Variants in NEB observed in about 807,000 individuals in gnomAD.
The protein encoded by NEB is nemaline myopathy type 2.
In NEB, 512 loss-of-function variants were observed where a neutral mutation model predicts 952.2. The ratio of observed to expected loss-of-function variants is 0.54; its 90% confidence interval spans 0.50 to 0.58. The LOEUF (loss-of-function observed/expected upper bound fraction) is 0.58. Among genes scored for constraint, NEB ranks in the 20% least tolerant of loss-of-function variants. The probability of loss-of-function intolerance (pLI) is 0.00; values close to 1 mark genes in which losing one functional copy is unlikely to be tolerated. For missense variants in NEB, 8,428 were observed against 9,231.1 expected, an observed-to-expected ratio of 0.91 and a Z score of 3.56; for synonymous variants, 2,900 against 3,149.8, an observed-to-expected ratio of 0.92 and a Z score of 2.66.
intron 24 of NEB, among the ~76,000 whole-genome samples, chr2:151,689,010 A>T (rs962215949): frequency 6.6e-6 from 1 of 151,952 alleles, no homozygotes; most frequent in African/African-American, 2.4e-5. Context: ...GATAAGGGGG[A>T]TTGCTGTGTA....
At chr2:151,490,276 T>A (rs1413348571) in intron 180 of NEB, 96 bp downstream of exon 180, 4 of 1,452,426 alleles carry the variant, frequency 2.8e-6, no homozygotes, top group African/African-American at 2.9e-5. Context: ...GGATGAAAAA[T>A]TTTTAAATTT....
At chr2:151,676,347 A>G (rs1183983423) in intron 34 of NEB, among the ~76,000 whole-genome samples, 5 of 152,166 alleles carry the variant, frequency 3.3e-5, no homozygotes, top group East Asian at 1.9e-4. Flanking sequence ...CTTCAGTCCA[A>G]TTAAGCCTTC....
chr2:151,513,809 C>T (rs975869361), intron 159 of NEB, 116 bp from the exon 160 acceptor site: 7 of 728,406 alleles, frequency 9.6e-6, no homozygotes, highest in Admixed American at 7.1e-5. Flanking sequence ...CAGATAGTGT[C>T]GCTTGCTACT....
intron 135 of NEB, among the ~76,000 whole-genome samples, chr2:151,544,264 A>C: frequency 6.6e-6 from 1 of 152,252 alleles, no homozygotes; most frequent in Non-Finnish European, 1.5e-5. Context: ...GAGCCCAGAA[A>C]GCCAAAAAGA....
chr2:151,669,178 A>G, intron 38 of NEB, 47 bp from the exon 39 acceptor site: 1 of 1,312,272 alleles, frequency 7.6e-7, no homozygotes, highest in East Asian at 2.5e-5. Context: ...CTGACATAAT[A>G]TAAATTTCAT....
chr2:151,519,791 A>G (rs906873217), intron 153 of NEB, 23 bp from the exon 154 acceptor site: 7 of 1,467,666 alleles, frequency 4.8e-6, no homozygotes, highest in African/African-American at 1.4e-5. Flanking sequence ...GCAAACATCC[A>G]AATTATTCCT....
At chr2:151,683,154 T>C (rs1223565451) in intron 28 of NEB, among the ~76,000 whole-genome samples, 2 of 152,306 alleles carry the variant, frequency 1.3e-5, no homozygotes, top group East Asian at 3.9e-4. Flanking sequence ...GAAGGCCACA[T>C]TGAAGGTGGG....
Position 151,570,512 on chromosome 2 carries a change from C to T in NEB, c.17103G>A (p.Arg5701=), listed in dbSNP as rs1414276838. 3 of 1,611,532 alleles carry T rather than the reference C, an allele frequency of 1.9e-6. No individual in the cohort carries two copies. ...AIPIQAAKAS[R]EIASDYKYKL... ...GGCCACTCACGTCACTGGCAATCTC[C>T]CTGGAGGCCTTGGCAGCCTGGATGG... Residue 5701 remains arginine (R), a synonymous_variant, in exon 108 of 182, where the codon AGG becomes AGA. Coordinates refer to ENST00000397345, the MANE Select transcript of NEB (RefSeq NM_001164508.2).
At chr2:151,686,439 C>A (rs2099499172) in intron 27 of NEB, among the ~76,000 whole-genome samples, 1 of 152,094 alleles carries the variant, frequency 6.6e-6, no homozygotes, top group Non-Finnish European at 1.5e-5. Flanking sequence ...AATACACATG[C>A]TATCAATGGG....
intron 151 of NEB, 124 bp from the exon 152 acceptor site, chr2:151,524,740 C>T (rs964354154): frequency 1.3e-6 from 1 of 747,640 alleles, no homozygotes; most frequent in Non-Finnish European, 2.1e-6. Context: ...AATCTCAGCT[C>T]ACTGCAACTT....
At chr2:151,624,890 G>C (rs2098489316) in intron 71 of NEB, among the ~76,000 whole-genome samples, 1 of 152,180 alleles carries the variant, frequency 6.6e-6, no homozygotes, top group African/African-American at 2.4e-5. Context: ...TAGCAAGGCT[G>C]AAGATAGTTC....
intron 92 of NEB, among the ~76,000 whole-genome samples, chr2:151,594,648 GT>G (rs1401508153): frequency 1.3e-4 from 15 of 113,174 alleles, no homozygotes; most frequent in Non-Finnish European, 2.6e-4. Flanking sequence ...AAACTACCAT[GT>G]TTTTCGGTCA....
chr2:151,576,499 T>C, intron 105 of NEB, 145 bp from the exon 106 acceptor site: 2 of 42,090 alleles, frequency 4.8e-5, no homozygotes, highest in African/African-American at 2.9e-4. Flanking sequence ...TATATATATA[T>C]ATATATATAT....
intron 150 of NEB, 29 bp downstream of exon 150, chr2:151,525,929 T>C (rs2085509982): frequency 6.4e-7 from 1 of 1,563,608 alleles, no homozygotes; most frequent in Non-Finnish European, 8.8e-7. Flanking sequence ...GCATTGTTGC[T>C]GCCAAGAGAC....
intron 27 of NEB, 113 bp from the exon 28 acceptor site, chr2:151,685,088 GTAGT>G: frequency 8.4e-7 from 1 of 1,187,472 alleles, no homozygotes; most frequent in Non-Finnish European, 1.2e-6. Context: ...AAACATCTGA[GTAGT>G]TATTTTGCCC....
chr2:151,571,946 G>T (rs2096643122), intron 107 of NEB, among the ~76,000 whole-genome samples: 1 of 152,158 alleles, frequency 6.6e-6, no homozygotes, highest in Admixed American at 6.5e-5. Flanking sequence ...TTTCAATCAA[G>T]CTTTTGTATA....
chr2:151,563,492 C>T (rs766622650), intron 119 of NEB, 114 bp downstream of exon 119: 3 of 879,116 alleles, frequency 3.4e-6, no homozygotes, highest in Non-Finnish European at 3.8e-6. Flanking sequence ...CAGGAAGGAC[C>T]CTACGCTACT....
At chr2:151,666,002 T>G in intron 41 of NEB, 88 bp downstream of exon 41, 2 of 1,325,568 alleles carry the variant, frequency 1.5e-6, no homozygotes, top group Non-Finnish European at 2.1e-6. Flanking sequence ...TTACAGTGAG[T>G]GCAGCCAGGT....
At chr2:151,651,339 T>C (rs1441365817) in intron 52 of NEB, among the ~76,000 whole-genome samples, 13 of 152,242 alleles carry the variant, frequency 8.5e-5, no homozygotes, top group Non-Finnish European at 1.8e-4. Flanking sequence ...ATACAGCTCT[T>C]GTGATATTCT....
Sources: allele counts gnomAD v4.1 joint callset (sites outside exome capture counted in the v4.1 genomes callset), GRCh38; gene constraint gnomAD v4.1.1; transcripts MANE v1.5; gene names NCBI Gene and HGNC (gene_info 2026-07-23, HGNC 2026-07-21).